The following IL4R variants were observed in gnomAD, a reference collection of about 807,000 sequenced individuals.
IL4R encodes interleukin-4 receptor subunit alpha.
In IL4R, 17 loss-of-function variants were observed where a neutral mutation model predicts 41.5. The ratio of observed to expected loss-of-function variants is 0.41; its 90% CI spans 0.28 to 0.61. IL4R has a LOEUF of 0.61. Ranked by LOEUF, IL4R falls within the 20% of genes least tolerant of loss-of-function variation. IL4R has a pLI of 0.31. For missense variants in IL4R, 974 were observed against 1,043.1 expected, an observed-to-expected ratio of 0.93 and a Z score of 0.91; for synonymous variants, 402 against 422.9, an observed-to-expected ratio of 0.95 and a Z score of 0.61.
At position 27,345,167 on chromosome 16, in the gene IL4R, C is replaced by T; in HGVS notation, c.361+147C>T. The stretch of plus-strand genomic sequence containing the variant: ...TTTCCCAAATCTGATGGGATTCCTG[C>T]CCCTGCCTGGGCCTCAGTCCTCCCA... On this transcript the variant is annotated intron_variant, in intron 5 of 10. Transcript: ENST00000395762. This position sits in a 1 kb window ranked among gnomAD's most constrained non-coding sequence, Gnocchi z 4.5. The T allele has an allele frequency of 1.1e-6, 1 of 899,780 alleles. No homozygotes were observed. The highest frequency in any genetic ancestry group is 2.0e-5 in the Admixed American group (1 of 50,182). 55.7% of individuals were successfully genotyped at this position (899,780 alleles called of 1,614,324 possible). A position where few individuals can be genotyped will look rare whatever the true frequency, so the allele number is the denominator to read the frequency against.
Position 27,356,047 on chromosome 16 carries a change from A to G in IL4R, c.770+140A>G. 3.4e-6 allele frequency: 2 copies of G among 585,134 alleles called. 1 individual carries two copies. The highest frequency in any genetic ancestry group is 3.9e-5 in the South Asian group (2 of 51,948). The allele number at this position is 585,134 out of a possible 1,614,324, so 36.2% of individuals were successfully genotyped here. On this transcript the variant is annotated intron_variant, in intron 8 of 10. Coordinates refer to ENST00000395762, the MANE Select transcript of IL4R (RefSeq NM_000418.4). ...AGCAGCTACTACACACCTTGAGAGT[A>G]GAGCTGAGAACATATCGACAAGGAC...
intron 5 of IL4R, 26 bp from the exon 6 acceptor site, chr16:27,346,439 CCT>C: frequency 6.2e-7 from 1 of 1,613,366 alleles, no homozygotes; most frequent in Non-Finnish European, 8.5e-7. Context: ...CTGCATAGAT[CCT>C]CACATAGAGG....
chr16:27,356,642 C>G (rs1351364451), intron 8 of IL4R, among the ~76,000 whole-genome samples: 2 of 152,102 alleles, frequency 1.3e-5, no homozygotes, highest in Non-Finnish European at 2.9e-5. Flanking sequence ...TCCCACATCC[C>G]CTTACAACGC....
intron 1 of IL4R, among the ~76,000 whole-genome samples, chr16:27,324,291 G>A (rs2084894563): frequency 6.6e-6 from 1 of 152,192 alleles, no homozygotes; most frequent in Admixed American, 6.5e-5. Context: ...TGAGATCTGT[G>A]CCTGCATTAG....
intron 2 of IL4R, among the ~76,000 whole-genome samples, chr16:27,332,775 G>A (rs974857573): frequency 2.0e-5 from 3 of 151,040 alleles, no homozygotes; most frequent in Non-Finnish European, 4.4e-5. Flanking sequence ...ATTGATTTTA[G>A]AACTTTCTTT....
chr16:27,344,610 A>G (rs895241074), intron 4 of IL4R, among the ~76,000 whole-genome samples: 3 of 152,222 alleles, frequency 2.0e-5, no homozygotes, highest in African/African-American at 7.2e-5. Context: ...GCTAAGTCCC[A>G]GGACCAGGGC....
In IL4R at chr16:27,344,567, C is replaced by T. The variant is rs112849669; in HGVS notation, c.210-302C>T. Among the ~76,000 whole-genome samples, 267 of 152,268 alleles carry T rather than the reference C, an allele frequency of 1.8e-3. 1 individual carries two copies. The highest frequency in any genetic ancestry group is 0.014 in the East Asian group (72 of 5,184). ...GTTGTTCTAAATTAATTAGTGCCAC[C>T]GGTTCTTCCCTTTCATGGGCTTTCA... On this transcript the variant is annotated intron_variant, in intron 4 of 10. Transcript: ENST00000395762.
At chr16:27,317,258 G>A (rs1035087209) in intron 1 of IL4R, among the ~76,000 whole-genome samples, 1 of 152,128 alleles carries the variant, frequency 6.6e-6, no homozygotes, top group African/African-American at 2.4e-5. Flanking sequence ...TTGGGATTTA[G>A]TCCACTCATT....
At chr16:27,339,893 C>T (rs1434218644) in intron 2 of IL4R, among the ~76,000 whole-genome samples, 3 of 152,122 alleles carry the variant, frequency 2.0e-5, no homozygotes, top group Non-Finnish European at 4.4e-5. Context: ...CCCGTCTCTA[C>T]TAAAAATACA....
chr16:27,334,271 C>A (rs2085193145), intron 2 of IL4R: 1 of 152,124 alleles, frequency 6.6e-6, no homozygotes, highest in African/African-American at 2.4e-5. Context: ...CTTTTTAATT[C>A]TTTTACTCAC....
At position 27,362,645 on chromosome 16, in the gene IL4R, C is replaced by T. The variant is rs2234899; in HGVS notation, c.1293C>T (p.Cys431=). 0.011 allele frequency: 18,310 copies of T among 1,613,976 alleles called. 373 individuals are homozygous for T. The highest frequency in any genetic ancestry group is 0.088 in the African/African-American group (6,587 of 74,918). The change falls in exon 11 of 11, where the codon TGC becomes TGT. Residue 431 remains cysteine (C), a synonymous_variant. Transcript: ENST00000395762. ...GCCAGCAGGACATGGGGGAGTCATG[C>T]CTTCTTCCACCTTCGGGAAGTACGA... ...GFCQQDMGES[C]LLPPSGSTSA... is the part of the protein sequence containing the mutation.
In IL4R at chr16:27,341,232, A is replaced by ATGAC. The variant is rs1424371850; in HGVS notation, c.71-887_71-884dup. ...AGACAGAGAAAGAGAAGTGGCCAGG[A>ATGAC]TGACTCCAAGATTTCTGACCTAAAC... is the stretch of plus-strand genomic sequence containing the variant. On this transcript the variant is annotated intron_variant, in intron 3 of 10. Coordinates refer to ENST00000395762, the MANE Select transcript of IL4R (RefSeq NM_000418.4). The ATGAC allele has an allele frequency of 7.4e-6, 5 of 672,528 alleles. No homozygotes were observed. The Admixed American group carries it at 1.1e-4, about 15-fold the overall frequency. 41.7% of individuals were successfully genotyped at this position (672,528 alleles called of 1,614,324 possible).
At chr16:27,361,296 G>A (rs900046693) in intron 10 of IL4R, among the ~76,000 whole-genome samples, 21 of 151,924 alleles carry the variant, frequency 1.4e-4, no homozygotes, top group East Asian at 5.8e-4. Flanking sequence ...GCATTACCAC[G>A]CCTGGCTATT....
Position 27,363,657 on chromosome 16 carries a change from G to T in IL4R, c.2305G>T (p.Val769Phe). 6.2e-7 allele frequency: 1 copy of T among 1,613,822 alleles called. No homozygotes were observed. Among genetic ancestry groups the T allele is most frequent in the South Asian group, 1.1e-5 (1 of 91,072 alleles). Residue 769 changes from valine to phenylalanine, a missense_variant, in exon 11 of 11, where the codon GTT becomes TTT. Around this residue, in one of 3 missense-constraint regions of IL4R, gnomAD observed 682 missense variants for 704.3 expected, o/e 0.97. Coordinates refer to ENST00000395762, the MANE Select transcript of IL4R (RefSeq NM_000418.4). Reference sequence around the variant, plus strand: ...GGCCCCAGACCCCTCTCCAGGTGGGGTTCCACTGGAGGCCAGTCTGTGTCC... The same window carrying T: ...GGCCCCAGACCCCTCTCCAGGTGGGTTTCCACTGGAGGCCAGTCTGTGTCC... ...LRAPDPSPGG[V>F]PLEASLCPAS...
chr16:27,325,737 C>T (rs2084939193), intron 1 of IL4R, among the ~76,000 whole-genome samples: 1 of 152,064 alleles, frequency 6.6e-6, no homozygotes, highest in Non-Finnish European at 1.5e-5. Flanking sequence ...TTATTGAGTG[C>T]CTGCTGTATG....
At chr16:27,360,090 C>T (rs2086230312) in intron 9 of IL4R, among the ~76,000 whole-genome samples, 1 of 152,018 alleles carries the variant, frequency 6.6e-6, no homozygotes, top group African/African-American at 2.4e-5. Context: ...TCTTGGCTCA[C>T]TGCAACCTCT....
intron 8 of IL4R, among the ~76,000 whole-genome samples, chr16:27,357,977 T>C (rs965126337): frequency 6.7e-6 from 1 of 148,850 alleles, no homozygotes; most frequent in Non-Finnish European, 1.5e-5. Context: ...CACTGCAACC[T>C]CCGCCTTCCG....
chr16:27,361,905 C>T (rs2086303175), intron 10 of IL4R, among the ~76,000 whole-genome samples: 1 of 152,158 alleles, frequency 6.6e-6, no homozygotes, highest in South Asian at 2.1e-4. Flanking sequence ...CAGGCGTGAG[C>T]CACCGCACCC....
rs1192418731 is a variant in IL4R, at chr16:27,347,259, T to G, written c.513+641T>G. Among the ~76,000 whole-genome samples the G allele has an allele frequency of 2.0e-5, 3 of 152,174 alleles. No individual in the cohort carries two copies. In the East Asian group the frequency reaches 5.8e-4, roughly 29 times the overall value. On this transcript the variant is annotated intron_variant, in intron 6 of 10. Coordinates refer to ENST00000395762, the MANE Select transcript of IL4R (RefSeq NM_000418.4). ...AGGGTGGAACACAGTGGCGTGATCTTGGCTCACTGCAACCTCCGCCTCCTG... is the reference window on the plus strand; with the variant it reads ...AGGGTGGAACACAGTGGCGTGATCTGGGCTCACTGCAACCTCCGCCTCCTG...
Sources: gnomAD v4.1 joint callset for allele counts (sites outside exome capture counted in the v4.1 genomes callset) on GRCh38, gnomAD v4.1.1 for gene constraint, gnomAD v4.1.1 regional missense constraint, Gnocchi (gnomAD v3.1) non-coding constraint, MANE v1.5 for transcripts, NCBI Gene and HGNC (gene_info 2026-07-23, HGNC 2026-07-21) for gene names.